Variants in PLCB1 observed in about 807,000 individuals in gnomAD.
The protein encoded by PLCB1 is 1-phosphatidylinositol 4,5-bisphosphate phosphodiesterase beta-1.
Under a neutral mutation model 161.8 loss-of-function variants are expected in PLCB1, and 46 were observed. The ratio of observed to expected loss-of-function variants is 0.28; its 90% CI spans 0.22 to 0.36. PLCB1 has a LOEUF of 0.36. Ranked by LOEUF, PLCB1 falls within the 10% of genes least tolerant of loss-of-function variation. The pLI, the probability that PLCB1 is intolerant of heterozygous loss-of-function variation, is 1.00. For synonymous variants in PLCB1, 517 were observed against 503.7 expected (o/e 1.03, Z -0.35); for missense variants, 1,016 against 1,472.5 (o/e 0.69, Z 5.07).
At chr20:8,350,628 A>G (rs1337448681) in intron 2 of PLCB1, among the ~76,000 whole-genome samples, 2 of 152,200 alleles carry the variant, frequency 1.3e-5, no homozygotes, top group Non-Finnish European at 2.9e-5. Context: ...TGCTGAGTCA[A>G]ATGGTTTTTC....
At chr20:8,808,789 C>T in intron 31 of PLCB1, among the ~76,000 whole-genome samples, 1 of 152,162 alleles carries the variant, frequency 6.6e-6, no homozygotes, top group Non-Finnish European at 1.5e-5. Context: ...TCTTTGAAGA[C>T]AAACCAGTGG....
intron 11 of PLCB1, among the ~76,000 whole-genome samples, chr20:8,702,945 T>C (rs1326542085): frequency 6.6e-6 from 1 of 152,158 alleles, no homozygotes; most frequent in Non-Finnish European, 1.5e-5. Flanking sequence ...TTTTTTTGCT[T>C]TAATAATTGG....
intron 2 of PLCB1, among the ~76,000 whole-genome samples, chr20:8,339,677 T>C (rs946720104): frequency 6.6e-5 from 10 of 152,240 alleles, no homozygotes; most frequent in African/African-American, 2.2e-4. Flanking sequence ...GTGATTTTTT[T>C]GGTTGATCCT....
At chr20:8,510,067 TTGATTGAC>T (rs1239151027) in intron 3 of PLCB1, among the ~76,000 whole-genome samples, 2 of 152,194 alleles carry the variant, frequency 1.3e-5, no homozygotes, top group African/African-American at 4.8e-5. Context: ...AATGTCTTGA[TTGATTGAC>T]TGATTAATGT....
chr20:8,444,270 A>G (rs889954603), intron 3 of PLCB1, among the ~76,000 whole-genome samples: 5 of 149,622 alleles, frequency 3.3e-5, no homozygotes, highest in Non-Finnish European at 7.4e-5. Flanking sequence ...ATTCCCACCT[A>G]TGAGTGAGAA....
At chr20:8,369,292 C>T (rs777968605) in intron 2 of PLCB1, among the ~76,000 whole-genome samples, 5 of 152,164 alleles carry the variant, frequency 3.3e-5, no homozygotes, top group Non-Finnish European at 7.3e-5. Context: ...CCTCTTTCTT[C>T]CAATTACTTA....
At chr20:8,290,837 G>T (rs1443612941) in intron 2 of PLCB1, among the ~76,000 whole-genome samples, 1 of 152,048 alleles carries the variant, frequency 6.6e-6, no homozygotes, top group African/African-American at 2.4e-5. Flanking sequence ...TAAGGCAGTT[G>T]TCCATCTTAC....
chr20:8,676,016 GTATT>G (rs1280676666), intron 9 of PLCB1, among the ~76,000 whole-genome samples: 1 of 152,212 alleles, frequency 6.6e-6, no homozygotes, highest in Non-Finnish European at 1.5e-5. Context: ...GACTATTTAT[GTATT>G]TATTCTTTGG....
At chr20:8,267,916 T>TA (rs1237659862) in intron 2 of PLCB1, among the ~76,000 whole-genome samples, 1 of 151,920 alleles carries the variant, frequency 6.6e-6, no homozygotes, top group African/African-American at 2.4e-5. Context: ...ACCAGTCTGA[T>TA]TGGTTGTGGG....
At chr20:8,241,940 C>T (rs1176951633) in intron 2 of PLCB1, among the ~76,000 whole-genome samples, 2 of 151,966 alleles carry the variant, frequency 1.3e-5, no homozygotes, top group Admixed American at 6.6e-5. Flanking sequence ...AGGCATGGTA[C>T]ACACATGCTT....
intron 3 of PLCB1, among the ~76,000 whole-genome samples, chr20:8,548,733 AAC>A (rs1453694639): frequency 6.8e-6 from 1 of 147,522 alleles, no homozygotes; most frequent in African/African-American, 2.5e-5. Context: ...GCTCCGTGAG[AAC>A]AGTGGTTGTA....
intron 3 of PLCB1, among the ~76,000 whole-genome samples, chr20:8,378,002 G>A (rs1034312778): frequency 6.6e-5 from 10 of 152,176 alleles, no homozygotes; most frequent in Non-Finnish European, 1.2e-4. Context: ...GGGATTGCCA[G>A]CATTTAGACT....
intron 14 of PLCB1, among the ~76,000 whole-genome samples, chr20:8,721,609 A>G (rs1373167955): frequency 6.6e-6 from 1 of 152,214 alleles, no homozygotes; most frequent in African/African-American, 2.4e-5. Context: ...TAGATTTCCA[A>G]TCATGCTGAT....
intron 3 of PLCB1, among the ~76,000 whole-genome samples, chr20:8,427,489 A>G (rs957530088): frequency 6.6e-6 from 1 of 152,194 alleles, no homozygotes; most frequent in African/African-American, 2.4e-5. Context: ...GAAATATTTT[A>G]AAAAGACTTT....
rs573086569 is a variant in PLCB1, at chr20:8,638,436, T to G, written c.385-7666T>G. 5.9e-5 allele frequency among the ~76,000 whole-genome samples: 9 copies of G among 152,060 alleles called. No homozygotes were observed. The South Asian group carries it at 1.9e-3, about 32-fold the overall frequency. ...GAGATGGAATCAGAGATTTAAAGCCTCCTCAATCAGAGCAGGATATTATAG... is the reference window on the plus strand; with the variant it reads ...GAGATGGAATCAGAGATTTAAAGCCGCCTCAATCAGAGCAGGATATTATAG... On this transcript the variant is annotated intron_variant, in intron 4 of 31. Transcript: ENST00000338037.
At chr20:8,405,943 T>C (rs906320142) in intron 3 of PLCB1, among the ~76,000 whole-genome samples, 1 of 152,192 alleles carries the variant, frequency 6.6e-6, no homozygotes, top group African/African-American at 2.4e-5. Flanking sequence ...TGTTGATAGA[T>C]TGAAATTGGC....
At chr20:8,614,341 T>A (rs1987989630) in intron 3 of PLCB1, among the ~76,000 whole-genome samples, 1 of 150,498 alleles carries the variant, frequency 6.6e-6, no homozygotes, top group Non-Finnish European at 1.5e-5. Flanking sequence ...TATATATATA[T>A]ATACACACAC....
Position 8,881,734 on chromosome 20 carries a change from A to G in PLCB1, c.3536A>G (p.His1179Arg), listed in dbSNP as rs1387366758. Residue 1179 changes from histidine to arginine, a missense_variant, in exon 32 of 32, where the codon CAC becomes CGC. This residue lies in a region of PLCB1 where 398 missense variants were observed against 445.4 expected (regional missense o/e 0.89). Coordinates refer to ENST00000338037, the MANE Select transcript of PLCB1 (RefSeq NM_015192.4). Reference sequence around the variant, plus strand: ...GGAAAGATCAGTGAAGACAGCAATCACGGTTCTGCCCCTCTCTCCCTGTCC... The same window carrying G: ...GGAAAGATCAGTGAAGACAGCAATCGCGGTTCTGCCCCTCTCTCCCTGTCC... ...MKGKISEDSN[H>R]GSAPLSLSSD... The G allele has an allele frequency of 6.2e-7, 1 of 1,614,026 alleles. No homozygotes were observed. Among genetic ancestry groups the G allele is most frequent in the Admixed American group, 1.7e-5 (1 of 60,010 alleles).
chr20:8,647,736 A>G (rs966571042), intron 5 of PLCB1, among the ~76,000 whole-genome samples, 164 bp from the exon 6 acceptor site: 10 of 152,122 alleles, frequency 6.6e-5, no homozygotes, highest in African/African-American at 1.9e-4. Context: ...TAAAGTGACA[A>G]TGTTCTATTT....
Sources: gnomAD v4.1 joint callset for allele counts (sites outside exome capture counted in the v4.1 genomes callset) on GRCh38, gnomAD v4.1.1 for gene constraint, gnomAD v4.1.1 regional missense constraint, MANE v1.5 for transcripts, NCBI Gene and HGNC (gene_info 2026-07-23, HGNC 2026-07-21) for gene names.